Variants in METTL22 observed in about 807,000 individuals in gnomAD.
METTL22 encodes the protein methyltransferase 22, Kin17 lysine.
In METTL22, 51 loss-of-function variants were observed where a neutral mutation model predicts 48.4. That is an observed-to-expected ratio of 1.05 (90% CI 0.84 to 1.33). The LOEUF (loss-of-function observed/expected upper bound fraction) is 1.33. Ranked by LOEUF, METTL22 falls within the 40% of genes most tolerant of loss-of-function variation. METTL22 has a pLI of 0.00. For synonymous variants in METTL22, 255 were observed against 214.1 expected (o/e 1.19, Z -1.67); for missense variants, 678 against 526.9 (o/e 1.29, Z -2.81).
chr16:8,638,110 G>C (rs534419446), intron 5 of METTL22, among the ~76,000 whole-genome samples: 297 of 4,282 alleles, frequency 0.069, 1 homozygote, highest in Non-Finnish European at 0.45. Context: ...TTGCACCACT[G>C]TACTTCAGTT....
chr16:8,626,446 CTTT>C (rs3057578), intron 2 of METTL22, among the ~76,000 whole-genome samples: 13,287 of 129,168 alleles, frequency 0.1, 520 homozygotes, highest in Middle Eastern at 0.15. Context: ...GTCCTCTGCT[CTTT>C]TTTTTTTTTT....
At chr16:8,646,000 C>G in intron 10 of METTL22, 108 bp from the exon 11 acceptor site, 2 of 1,536,844 alleles carry the variant, frequency 1.3e-6, no homozygotes, top group Non-Finnish European at 8.8e-7. Flanking sequence ...TGCTCCGTGG[C>G]TGACGTGTTG....
At chr16:8,653,485 G>A (rs1039197495), downstream of METTL22, among the ~76,000 whole-genome samples, 9 of 152,248 alleles carry the variant, frequency 5.9e-5, no homozygotes, top group East Asian at 1.9e-4. Flanking sequence ...AATATTGATG[G>A]GATGAATGGA....
intron 7 of METTL22, chr16:8,641,545 C>T (rs879572819): frequency 3.4e-5 from 17 of 498,210 alleles, no homozygotes; most frequent in South Asian, 2.5e-4. Flanking sequence ...TCCCAACAAA[C>T]AGTGGTGCCA....
the METTL22 span, among the ~76,000 whole-genome samples, chr16:8,658,441 A>T: frequency 6.6e-6 from 1 of 152,226 alleles, no homozygotes; most frequent in African/African-American, 2.4e-5. Flanking sequence ...CATGGTAAAG[A>T]AACACTACAA....
chr16:8,627,224 G>A (rs58979659), intron 2 of METTL22, among the ~76,000 whole-genome samples: 1,885 of 152,126 alleles, frequency 0.012, 44 homozygotes, highest in African/African-American at 0.043. Context: ...GTGGCTTTCC[G>A]TTGCTCTCAG....
intron 3 of METTL22, 126 bp downstream of exon 3, chr16:8,629,236 C>T (rs2056172472): frequency 6.3e-6 from 8 of 1,266,556 alleles, no homozygotes; most frequent in Admixed American, 2.1e-5. Flanking sequence ...AGAACCAGCT[C>T]GGGTGAGACT....
At chr16:8,643,634 G>A (rs2141808220) in intron 9 of METTL22, among the ~76,000 whole-genome samples, 1 of 152,174 alleles carries the variant, frequency 6.6e-6, no homozygotes, top group East Asian at 1.9e-4. Flanking sequence ...TTTTTTTGAG[G>A]CAGAGTCTTG....
In METTL22 at chr16:8,646,858, T is replaced by C. The variant is rs544116402; in HGVS notation, c.*715T>C. 121 of 370,238 alleles carry C rather than the reference T, an allele frequency of 3.3e-4. 1 individual carries two copies. The highest frequency in any genetic ancestry group is 2.1e-3 in the African/African-American group (100 of 47,234). 22.9% of individuals were successfully genotyped at this position (370,238 alleles called of 1,614,324 possible). On this transcript the variant is annotated 3_prime_UTR_variant, in exon 11 of 11. Transcript: ENST00000381920. ...TCCGCCCCTTGGTCTCTCTGTCTTA[T>C]CACGTGTGTACATGTCTGTCTGTCT...
chr16:8,650,421 C>T (rs2056878183), downstream of METTL22, among the ~76,000 whole-genome samples: 1 of 152,212 alleles, frequency 6.6e-6, no homozygotes, highest in South Asian at 2.1e-4. Flanking sequence ...GGACAAATGA[C>T]CTAGCCTCTC....
chr16:8,629,121 G>A lies in METTL22; in HGVS notation c.514+11G>A, dbSNP rs2056167062. 7 of 1,605,536 alleles carry A rather than the reference G, an allele frequency of 4.4e-6. No individual in the cohort carries two copies. The highest frequency in any genetic ancestry group is 5.1e-6 in the Non-Finnish European group (6 of 1,176,180). ...ATATCATCAGAATAGGTAAATAGAG[G>A]TGTGATGTGGCCCACCTGTCACCAA... On this transcript the variant is annotated intron_variant, in intron 3 of 10. Transcript: ENST00000381920.
the METTL22 span, among the ~76,000 whole-genome samples, chr16:8,657,286 T>A: frequency 6.6e-6 from 1 of 152,184 alleles, no homozygotes; most frequent in Non-Finnish European, 1.5e-5. Flanking sequence ...GAAAAATGTA[T>A]CTTGCATTTG....
the METTL22 span, among the ~76,000 whole-genome samples, chr16:8,658,746 C>T: frequency 7.2e-5 from 11 of 152,290 alleles, no homozygotes; most frequent in East Asian, 2.1e-3. Flanking sequence ...CAGATTTGAC[C>T]AGAGTGCACG....
the METTL22 span, among the ~76,000 whole-genome samples, chr16:8,663,771 A>T: frequency 6.6e-6 from 1 of 152,342 alleles, no homozygotes; most frequent in African/African-American, 2.4e-5. Context: ...ATCTTGGATC[A>T]TCTTAGACCT....
At chr16:8,661,487 A>G in the METTL22 span, among the ~76,000 whole-genome samples, 1 of 142,304 alleles carries the variant, frequency 7.0e-6, no homozygotes. Context: ...TCTACTAAAA[A>G]CACAAAATAT....
At chr16:8,633,499 G>T (rs7203892) in intron 3 of METTL22, among the ~76,000 whole-genome samples, 135,801 of 152,262 alleles carry the variant, frequency 0.89, 60,646 homozygotes, top group East Asian at 1. Context: ...CCAGCTACTC[G>T]AGAGGCTTAG....
chr16:8,662,315 G>C, the METTL22 span, among the ~76,000 whole-genome samples: 3 of 145,506 alleles, frequency 2.1e-5, 1 homozygote, highest in African/African-American at 7.7e-5. Flanking sequence ...TGGAAACCCA[G>C]AGCTCTTTCC....
the METTL22 span, among the ~76,000 whole-genome samples, chr16:8,654,777 A>T: frequency 2.0e-5 from 3 of 152,190 alleles, no homozygotes; most frequent in South Asian, 4.1e-4. Context: ...ATAGAATGAG[A>T]CTATGCCAGG....
intron 5 of METTL22, among the ~76,000 whole-genome samples, chr16:8,638,109 T>C (rs1596353709): frequency 2.3e-4 from 1 of 4,420 alleles, no homozygotes; most frequent in East Asian, 0.026. Context: ...GTTGCACCAC[T>C]GTACTTCAGT....
Sources: gnomAD v4.1 joint callset for allele counts (sites outside exome capture counted in the v4.1 genomes callset) on GRCh38, gnomAD v4.1.1 for gene constraint, MANE v1.5 for transcripts, NCBI Gene and HGNC (gene_info 2026-07-23, HGNC 2026-07-21) for gene names.